Variants in MCM8 observed in about 807,000 individuals in gnomAD.
The protein encoded by MCM8 is DNA helicase MCM8.
In MCM8, 85 loss-of-function variants were observed where a neutral mutation model predicts 98.9. The observed-to-expected ratio is 0.86, with a 90% CI of 0.72 to 1.03. The LOEUF (loss-of-function observed/expected upper bound fraction) is 1.03. Ranked by LOEUF, MCM8 falls within the 50% of genes least tolerant of loss-of-function variation. The pLI is 0.00. For synonymous variants in MCM8, 352 were observed against 338.6 expected, an observed-to-expected ratio of 1.04 and a Z score of -0.44; for missense variants, 951 against 997.8, an observed-to-expected ratio of 0.95 and a Z score of 0.63.
chr20:5,969,364 G>C (rs1568581457), intron 10 of MCM8, among the ~76,000 whole-genome samples: 1 of 152,162 alleles, frequency 6.6e-6, no homozygotes, highest in Non-Finnish European at 1.5e-5. Flanking sequence ...GGCCGAGGCG[G>C]GTGGATCACC....
chr20:5,989,120 C>CTTTTTTTTTTTTTT lies in MCM8; in HGVS notation c.2240+1765_2240+1778dup, dbSNP rs1172678780. 8.9e-3 allele frequency among the ~76,000 whole-genome samples: 1,075 copies of CTTTTTTTTTTTTTT among 120,172 alleles called. 44 individuals carry two copies. Among genetic ancestry groups the CTTTTTTTTTTTTTT allele is most frequent in the Non-Finnish European group, 0.014 (830 of 61,094 alleles). 78.8% of individuals were successfully genotyped at this position (120,172 alleles called of 152,430 possible). Reference sequence around the variant, plus strand: ...ACTGTTTACTATCAATAGCGCAAGTCTTTTTTTTTTTTTTTTGAGACAGTC... The same window carrying CTTTTTTTTTTTTTT: ...ACTGTTTACTATCAATAGCGCAAGTCTTTTTTTTTTTTTTTTTTTTTTTTTTTTTTGAGACAGTC... On this transcript the variant is annotated intron_variant, in intron 17 of 18. Coordinates refer to ENST00000610722, the MANE Select transcript of MCM8 (RefSeq NM_032485.6).
In MCM8 at chr20:5,994,434, T is replaced by A; in HGVS notation, c.*43T>A. 2 of 1,296,872 alleles carry A rather than the reference T, an allele frequency of 1.5e-6. No homozygotes were observed. Among genetic ancestry groups the A allele is most frequent in the Non-Finnish European group, 2.2e-6 (2 of 915,738 alleles). The allele number at this position is 1,296,872 out of a possible 1,614,324, so 80.3% of individuals were successfully genotyped here. A position where few individuals can be genotyped will look rare whatever the true frequency, so the allele number is the denominator to read the frequency against. On this transcript the variant is annotated 3_prime_UTR_variant, in exon 19 of 19. Coordinates refer to ENST00000610722, the MANE Select transcript of MCM8 (RefSeq NM_032485.6). ...AGGGCCTCCTGGGTTTATTGCAGAT[T>A]AAAGCCATCTCAGTGAAGATATGCG...
chr20:5,977,901 G>T lies in MCM8; in HGVS notation c.1421G>T (p.Gly474Val), dbSNP rs766991583. Residue 474 changes from glycine to valine, a missense_variant, in exon 13 of 19, where the codon GGC (glycine) becomes GTC (valine). Transcript: ENST00000610722. ...LQAACNVAPR[G>V]VYVCGNTTTT... ...GCAGCGTGCAATGTTGCCCCACGTG[G>T]CGTGTATGTTTGTGGTAACACCACG... 6.8e-6 allele frequency: 11 copies of T among 1,614,130 alleles called. No homozygotes were observed. Among genetic ancestry groups the T allele is most frequent in the Non-Finnish European group, 8.5e-6 (10 of 1,180,006 alleles).
At chr20:5,980,641 G>A (rs1347554059) in intron 13 of MCM8, among the ~76,000 whole-genome samples, 2 of 152,114 alleles carry the variant, frequency 1.3e-5, no homozygotes, top group African/African-American at 4.8e-5. Context: ...GGAGGCCGAG[G>A]CAGGCAGAGC....
chr20:5,977,725 A>G, intron 12 of MCM8, 151 bp from the exon 13 acceptor site: 12 of 750,426 alleles, frequency 1.6e-5, no homozygotes, highest in Non-Finnish European at 2.5e-5. Context: ...TCAGGATATA[A>G]TAATACCTTT....
At chr20:5,986,612 C>G (rs767334548) in intron 16 of MCM8, among the ~76,000 whole-genome samples, 45 of 152,144 alleles carry the variant, frequency 3.0e-4, no homozygotes, top group Non-Finnish European at 5.9e-4. Flanking sequence ...AGAGTTTGGG[C>G]TTTTTGCTCC....
intron 15 of MCM8, among the ~76,000 whole-genome samples, chr20:5,985,706 C>T (rs558258716): frequency 4.6e-5 from 7 of 151,876 alleles, no homozygotes; most frequent in East Asian, 2.0e-4. Flanking sequence ...CCACCACGCC[C>T]GGCTAATTTT....
In MCM8 at chr20:5,958,621, C is replaced by G; in HGVS notation, c.684C>G (p.Val228=). 1.2e-6 allele frequency: 2 copies of G among 1,614,100 alleles called. No homozygotes were observed. The highest frequency in any genetic ancestry group is 4.5e-5 in the East Asian group (2 of 44,868). Residue 228 remains valine, a synonymous_variant, in exon 7 of 19, where the codon GTC becomes GTG. Coordinates refer to ENST00000610722, the MANE Select transcript of MCM8 (RefSeq NM_032485.6). ...CTCTAAGAGGGACAGTGGTTCGTGT[C>G]AGTAATATAAAGCCTCTTTGCACCA... is the stretch of plus-strand genomic sequence containing the variant. The part of the protein sequence containing the change: ...YIALRGTVVR[V]SNIKPLCTKM...
At chr20:5,992,463 G>A (rs568819546) in intron 17 of MCM8, among the ~76,000 whole-genome samples, 55 of 152,210 alleles carry the variant, frequency 3.6e-4, no homozygotes, top group African/African-American at 1.3e-3. Context: ...TAAGATAAAT[G>A]TTACCTATTA....
chr20:5,962,552 T>C lies in MCM8; in HGVS notation c.790-722T>C, dbSNP rs1170567969. Among the ~76,000 whole-genome samples the C allele has an allele frequency of 6.1e-5, 6 of 97,966 alleles. 1 individual carries two copies. The highest frequency in any genetic ancestry group is 1.0e-4 in the Non-Finnish European group (6 of 57,530). The allele number at this position is 97,966 out of a possible 152,430, so 64.3% of individuals were successfully genotyped here. The stretch of plus-strand genomic sequence containing the variant: ...ACCGCGCCCGGCTAATTTTTTGTAT[T>C]TTTAGTAGAGACGGGGTTTCACCTT... On this transcript the variant is annotated intron_variant, in intron 7 of 18. Coordinates refer to ENST00000610722, the MANE Select transcript of MCM8 (RefSeq NM_032485.6).
At chr20:5,993,138 C>T (rs919437802) in intron 17 of MCM8, among the ~76,000 whole-genome samples, 1 of 152,032 alleles carries the variant, frequency 6.6e-6, no homozygotes, top group East Asian at 1.9e-4. Flanking sequence ...AGATGCTGCT[C>T]CAGGAGATGG....
chr20:5,998,102 T>C lies in MCM8; in HGVS notation c.*3711T>C, dbSNP rs183835035. 5.9e-5 allele frequency: 9 copies of C among 152,302 alleles called. No homozygotes were observed. In the East Asian group the frequency reaches 1.7e-3, roughly 29 times the overall value. 9.4% of individuals were successfully genotyped at this position (152,302 alleles called of 1,614,324 possible). A position where few individuals can be genotyped will look rare whatever the true frequency, so the allele number is the denominator to read the frequency against. On this transcript the variant is annotated 3_prime_UTR_variant, in exon 19 of 19. Transcript: ENST00000610722. ...GTTGCTGTTGTTATACAGAAGAATA[T>C]TAAACAATATTCATATATTGTTTAT...
intron 12 of MCM8, among the ~76,000 whole-genome samples, chr20:5,973,844 A>G (rs905488141): frequency 2.6e-5 from 4 of 152,078 alleles, no homozygotes; most frequent in African/African-American, 9.7e-5. Flanking sequence ...TAGTAGAGAC[A>G]GGGTTTTGCT....
At position 5,973,121 on chromosome 20, in the gene MCM8, C is replaced by G. The variant is rs1207130012; in HGVS notation, c.1320C>G (p.Asn440Lys). 3 of 1,614,082 alleles carry G rather than the reference C, an allele frequency of 1.9e-6. No homozygotes were observed. The Admixed American group carries it at 5.0e-5, about 27-fold the overall frequency. The change falls in exon 12 of 19, where the codon AAC becomes AAG. Residue 440 changes from asparagine to lysine, a missense_variant. Asn to Lys is a moderately conservative substitution (Grantham distance 94). Transcript: ENST00000610722. ...GCCAGAAATACGCAGATGACAAAAA[C>G]AGAATTCCAATTCGGGGAGACCCCC... is the stretch of plus-strand genomic sequence containing the variant. ...GGSQKYADDK[N>K]RIPIRGDPHI...
At chr20:5,991,420 C>T (rs2089849401) in intron 17 of MCM8, 1 of 152,038 alleles carries the variant, frequency 6.6e-6, no homozygotes, top group South Asian at 2.1e-4. Flanking sequence ...CCCAGAGTTG[C>T]TTTGGTGGTA....
rs2089963539 is a variant in MCM8 at position 5,996,813 on chromosome 20, C to G, written c.*2422C>G. On this transcript the variant is annotated 3_prime_UTR_variant, in exon 19 of 19. Transcript: ENST00000610722. ...CAAACTAACAACAAAAGTTGTTTAG[C>G]TTTCCCTTACAATCCAGCTTTTATG... is the stretch of plus-strand genomic sequence containing the variant. 1 of 152,346 alleles carries G rather than the reference C, an allele frequency of 6.6e-6. No individual in the cohort carries two copies. The highest frequency in any genetic ancestry group is 1.9e-4 in the East Asian group (1 of 5,186). 9.4% of individuals were successfully genotyped at this position (152,346 alleles called of 1,614,324 possible).
intron 5 of MCM8, among the ~76,000 whole-genome samples, 173 bp from the exon 6 acceptor site, chr20:5,956,953 T>C (rs2089000043): frequency 6.6e-6 from 1 of 152,132 alleles, no homozygotes; most frequent in Admixed American, 6.5e-5. Context: ...ATGTAAAACA[T>C]CCACTATAAA....
rs1226959616 is a variant in MCM8 at position 5,984,866 on chromosome 20, G to C, written c.1819G>C (p.Glu607Gln). The change falls in exon 15 of 19, where the codon GAA (glutamate) becomes CAA (glutamine). Residue 607 changes from glutamate (E) to glutamine (Q), a missense_variant. Transcript: ENST00000610722. ...TGAGCATCATGATCACTTACTCTCT[G>C]AACATGTGATTGCAATAAGAGCTGG... ...PNEHHDHLLS[E>Q]HVIAIRAGKQ... The C allele has an allele frequency of 6.2e-7, 1 of 1,614,064 alleles. No individual in the cohort carries two copies. The highest frequency in any genetic ancestry group is 8.5e-7 in the Non-Finnish European group (1 of 1,179,996).
chr20:5,960,285 A>G (rs74638440), intron 7 of MCM8, among the ~76,000 whole-genome samples: 3,676 of 150,822 alleles, frequency 0.024, 134 homozygotes, highest in African/African-American at 0.078. Context: ...TTTATTCTTT[A>G]ATTTTGTTTT....
Sources: gnomAD v4.1 joint callset for allele counts (sites outside exome capture counted in the v4.1 genomes callset) on GRCh38, gnomAD v4.1.1 for gene constraint, MANE v1.5 for transcripts, NCBI Gene and HGNC (gene_info 2026-07-23, HGNC 2026-07-21) for gene names.